The following GPM6A variants were observed in gnomAD, a reference collection of about 807,000 sequenced individuals.
GPM6A encodes neuronal membrane glycoprotein M6-a.
Under a neutral mutation model 32.1 loss-of-function variants are expected in GPM6A, and 7 were observed. The observed-to-expected ratio is 0.22, with a 90% CI of 0.12 to 0.41. GPM6A has a LOEUF of 0.41. Ranked by LOEUF, GPM6A falls within the 10% of genes least tolerant of loss-of-function variation. The pLI is 1.00. For synonymous variants in GPM6A, 130 were observed against 123.4 expected, an observed-to-expected ratio of 1.05 and a Z score of -0.35; for missense variants, 235 against 347.2, an observed-to-expected ratio of 0.68 and a Z score of 2.57.
intron 1 of GPM6A, among the ~76,000 whole-genome samples, chr4:175,799,495 T>C (rs1224683431): frequency 1.3e-5 from 2 of 151,996 alleles, no homozygotes; most frequent in African/African-American, 4.8e-5. Flanking sequence ...ACTTAACTTA[T>C]AAGAATAGAG....
upstream of GPM6A, among the ~76,000 whole-genome samples, chr4:175,816,997 C>CTACA (rs911815405): frequency 1.3e-5 from 2 of 152,090 alleles, no homozygotes; most frequent in Non-Finnish European, 2.9e-5. Flanking sequence ...GGAGCTGGGA[C>CTACA]TACACCCCGC....
At chr4:175,805,968 A>G (rs1013742263) in intron 1 of GPM6A, 1 of 152,250 alleles carries the variant, frequency 6.6e-6, no homozygotes, top group African/African-American at 2.4e-5. Context: ...TATCCAAGAC[A>G]ATGGTCACAA....
intron 1 of GPM6A, among the ~76,000 whole-genome samples, chr4:175,848,584 A>G (rs997141669): frequency 4.6e-5 from 7 of 152,176 alleles, no homozygotes; most frequent in Non-Finnish European, 7.4e-5. Flanking sequence ...CATAATGAAG[A>G]TCAAATTCTG....
intron 1 of GPM6A, among the ~76,000 whole-genome samples, chr4:175,848,299 C>T (rs1736151458): frequency 6.6e-6 from 1 of 152,140 alleles, no homozygotes. Context: ...AAAGCCTTTT[C>T]CAACATAACT....
At chr4:175,742,052 C>T (rs1731908083) in intron 1 of GPM6A, among the ~76,000 whole-genome samples, 1 of 151,718 alleles carries the variant, frequency 6.6e-6, no homozygotes, top group South Asian at 2.1e-4. Flanking sequence ...ATTTTATATC[C>T]ATTATTTTAC....
intron 1 of GPM6A, among the ~76,000 whole-genome samples, chr4:175,703,094 T>TA (rs1402056610): frequency 6.6e-6 from 1 of 152,154 alleles, no homozygotes; most frequent in Non-Finnish European, 1.5e-5. Context: ...TGAGTTAATA[T>TA]AAAAAAATAG....
intron 2 of GPM6A, among the ~76,000 whole-genome samples, chr4:175,696,218 C>T (rs752467943): frequency 6.6e-6 from 1 of 152,104 alleles, no homozygotes; most frequent in Non-Finnish European, 1.5e-5. Context: ...TATTGTCATA[C>T]AACTCTAGAA....
At chr4:175,962,056 A>T in intron 1 of GPM6A, 1 of 711,210 alleles carries the variant, frequency 1.4e-6, no homozygotes. Flanking sequence ...ATTTCTAGGG[A>T]ACCAGATGTT....
chr4:175,925,708 T>A (rs892185014), intron 1 of GPM6A, among the ~76,000 whole-genome samples: 7 of 152,172 alleles, frequency 4.6e-5, no homozygotes, highest in African/African-American at 1.7e-4. Flanking sequence ...TGAATTAGAA[T>A]TCATAACTGC....
intron 1 of GPM6A, among the ~76,000 whole-genome samples, chr4:175,844,180 T>G (rs769445109): frequency 2.6e-5 from 4 of 152,202 alleles, no homozygotes; most frequent in Non-Finnish European, 2.9e-5. Flanking sequence ...TGCAAAAGCT[T>G]TTAATAAAAC....
At chr4:175,858,636 G>A (rs1736487011) in intron 1 of GPM6A, among the ~76,000 whole-genome samples, 1 of 151,888 alleles carries the variant, frequency 6.6e-6, no homozygotes, top group Non-Finnish European at 1.5e-5. Context: ...AATGCAAAAT[G>A]GTAAAAGAAA....
At chr4:175,969,039 T>C (rs1365631699) in intron 1 of GPM6A, among the ~76,000 whole-genome samples, 2 of 152,196 alleles carry the variant, frequency 1.3e-5, no homozygotes, top group African/African-American at 4.8e-5. Flanking sequence ...GGCGAATAGA[T>C]AAATTGTAGC....
chr4:175,773,534 TTAAAAA>T (rs1326089246), intron 1 of GPM6A, among the ~76,000 whole-genome samples: 3 of 152,106 alleles, frequency 2.0e-5, no homozygotes, highest in African/African-American at 7.2e-5. Context: ...ATCAAACTCT[TTAAAAA>T]TAATAAGAAT....
intron 1 of GPM6A, among the ~76,000 whole-genome samples, chr4:175,743,535 C>T (rs899917608): frequency 1.3e-5 from 2 of 151,654 alleles, no homozygotes; most frequent in African/African-American, 4.8e-5. Context: ...GCATGGACCT[C>T]GATTATTATT....
At chr4:175,846,265 G>A (rs1422345796) in intron 1 of GPM6A, among the ~76,000 whole-genome samples, 2 of 151,968 alleles carry the variant, frequency 1.3e-5, no homozygotes, top group Admixed American at 1.3e-4. Context: ...TCTATCACCC[G>A]ACAAATGAAT....
In GPM6A at chr4:175,805,738, G is replaced by A. The variant is rs148075789; in HGVS notation, c.37+6453C>T. Among the ~76,000 whole-genome samples, 199 of 152,144 alleles carry A rather than the reference G, an allele frequency of 1.3e-3. 1 individual carries two copies. The highest frequency in any genetic ancestry group is 3.9e-3 in the African/African-American group (162 of 41,522). ...TCTTAATACACATCATTTAAAAGCC[G>A]ACAGTCATTCTTCCTTTTTTCTCTG... On this transcript the variant is annotated intron_variant, in intron 1 of 6. Coordinates refer to ENST00000393658, the MANE Select transcript of GPM6A (RefSeq NM_201591.3).
chr4:175,993,145 CT>C (rs913947385), intron 1 of GPM6A, among the ~76,000 whole-genome samples: 6 of 151,136 alleles, frequency 4.0e-5, no homozygotes, highest in African/African-American at 1.5e-4. Context: ...TTTCCCTCCC[CT>C]CTCTCCCTCC....
chr4:175,745,106 G>T (rs750885311), intron 1 of GPM6A, among the ~76,000 whole-genome samples: 4 of 152,008 alleles, frequency 2.6e-5, no homozygotes, highest in African/African-American at 4.8e-5. Context: ...GAAATACTCT[G>T]AGAGTATCAT....
chr4:175,842,845 T>C (rs914601560), intron 1 of GPM6A, among the ~76,000 whole-genome samples: 5 of 152,072 alleles, frequency 3.3e-5, no homozygotes, highest in Admixed American at 3.3e-4. Context: ...TACTTTAATA[T>C]GAATTGAATT....
Sources: allele counts gnomAD v4.1 joint callset (sites outside exome capture counted in the v4.1 genomes callset), GRCh38; gene constraint gnomAD v4.1.1; transcripts MANE v1.5; gene names NCBI Gene and HGNC (gene_info 2026-07-23, HGNC 2026-07-21).